CNTNAP2: variants seen among roughly 807,000 people sequenced by gnomAD.
The protein encoded by CNTNAP2 is contactin associated protein 2.
CNTNAP2 carries 98 observed loss-of-function variants against 155.2 expected under a neutral mutation model. That is an observed-to-expected ratio of 0.63 (90% CI 0.54 to 0.75). The LOEUF is 0.75. Ranked by LOEUF, CNTNAP2 falls within the 30% of genes least tolerant of loss-of-function variation. CNTNAP2 has a pLI of 0.00. For missense variants in CNTNAP2, 1,727 were observed against 1,688.1 expected, an observed-to-expected ratio of 1.02 and a Z score of -0.40; for synonymous variants, 651 against 631.2, an observed-to-expected ratio of 1.03 and a Z score of -0.47.
chr7:147,864,443 A>T (rs989355008), intron 13 of CNTNAP2, among the ~76,000 whole-genome samples: 2 of 151,456 alleles, frequency 1.3e-5, no homozygotes, highest in South Asian at 4.2e-4. Flanking sequence ...ACTTTAAAGT[A>T]GTTTTTTCCA....
At chr7:147,692,290 A>G (rs539232534) in intron 13 of CNTNAP2, among the ~76,000 whole-genome samples, 10 of 152,226 alleles carry the variant, frequency 6.6e-5, no homozygotes, top group African/African-American at 2.2e-4. Flanking sequence ...TCCACTGGCA[A>G]TTATGAATGA....
At chr7:146,326,783 T>G (rs1801104940) in intron 1 of CNTNAP2, among the ~76,000 whole-genome samples, 1 of 152,206 alleles carries the variant, frequency 6.6e-6, no homozygotes, top group South Asian at 2.1e-4. Context: ...TACTATCACC[T>G]TTGTGATAGA....
intron 11 of CNTNAP2, among the ~76,000 whole-genome samples, chr7:147,494,465 T>C (rs934697778): frequency 9.9e-5 from 3 of 30,334 alleles, no homozygotes; most frequent in African/African-American, 6.4e-4. Context: ...CTTTGAGTCT[T>C]GGCAAAAAAA....
intron 1 of CNTNAP2, among the ~76,000 whole-genome samples, chr7:146,283,663 A>T (rs949747539): frequency 2.6e-5 from 4 of 152,204 alleles, no homozygotes; most frequent in Non-Finnish European, 5.9e-5. Flanking sequence ...GGGAAGAAAA[A>T]CTTAAACCTA....
At chr7:146,366,987 T>C (rs1795164708) in intron 1 of CNTNAP2, among the ~76,000 whole-genome samples, 1 of 152,138 alleles carries the variant, frequency 6.6e-6, no homozygotes, top group African/African-American at 2.4e-5. Flanking sequence ...TGAAAGACCA[T>C]AGTTAATTTC....
At chr7:147,236,907 C>T (rs1028196138) in intron 8 of CNTNAP2, among the ~76,000 whole-genome samples, 10 of 152,102 alleles carry the variant, frequency 6.6e-5, no homozygotes, top group Non-Finnish European at 1.5e-5. Flanking sequence ...AAACCTTACC[C>T]TGTGATTGCC....
intron 4 of CNTNAP2, among the ~76,000 whole-genome samples, chr7:147,052,121 G>A (rs888656204): frequency 6.6e-6 from 1 of 152,040 alleles, no homozygotes; most frequent in African/African-American, 2.4e-5. Flanking sequence ...AGATTCAGTT[G>A]AAATGCAGTC....
chr7:146,648,822 A>C (rs187750767), intron 1 of CNTNAP2, among the ~76,000 whole-genome samples: 1 of 152,254 alleles, frequency 6.6e-6, no homozygotes, highest in Admixed American at 6.5e-5. Context: ...TGATAAAATT[A>C]TTATTAAAAT....
intron 4 of CNTNAP2, among the ~76,000 whole-genome samples, chr7:147,064,516 T>G (rs1799742847): frequency 6.6e-6 from 1 of 152,192 alleles, no homozygotes. Flanking sequence ...ACATTTTCCC[T>G]GTGCCTCACA....
At chr7:148,353,458 A>G (rs889050330) in intron 21 of CNTNAP2, among the ~76,000 whole-genome samples, 1 of 152,234 alleles carries the variant, frequency 6.6e-6, no homozygotes, top group African/African-American at 2.4e-5. Context: ...TTAAAAAAAC[A>G]AAGCAAGCTT....
intron 3 of CNTNAP2, among the ~76,000 whole-genome samples, chr7:146,887,375 C>G (rs1016658717): frequency 7.2e-5 from 11 of 151,912 alleles, no homozygotes; most frequent in Non-Finnish European, 1.5e-4. Context: ...ACAGGTTTCT[C>G]CATGTTGGCC....
chr7:147,312,365 C>T lies in CNTNAP2; in HGVS notation c.1498+12075C>T, dbSNP rs1343757761. On this transcript the variant is annotated intron_variant, in intron 9 of 23. Coordinates refer to ENST00000361727, the MANE Select transcript of CNTNAP2 (RefSeq NM_014141.6). ...CATGCTGGTGTGCTGCACCCATTAACTCGTCATTTAGCATTAGGTATATCT... is the reference window on the plus strand; with the variant it reads ...CATGCTGGTGTGCTGCACCCATTAATTCGTCATTTAGCATTAGGTATATCT... Among the ~76,000 whole-genome samples, 4 of 150,864 alleles carry T rather than the reference C, an allele frequency of 2.7e-5. No individual in the cohort carries two copies. In the Admixed American group the frequency reaches 2.7e-4, roughly 10 times the overall value.
chr7:148,072,433 G>T (rs1803398217), intron 15 of CNTNAP2, among the ~76,000 whole-genome samples: 1 of 152,078 alleles, frequency 6.6e-6, no homozygotes, highest in Non-Finnish European at 1.5e-5. Context: ...AAATGGGTAT[G>T]GTTGTGCTCC....
In CNTNAP2 at chr7:146,752,002, C is replaced by G. The variant is rs138683312; in HGVS notation, c.98-22269C>G. ...AATATTCCATGGTGTATATGTGCCA[C>G]CTTTTCTTTATGCAGTCTATCGTTG... On this transcript the variant is annotated intron_variant, in intron 1 of 23. Transcript: ENST00000361727. 8.1e-3 allele frequency among the ~76,000 whole-genome samples: 1,240 copies of G among 152,212 alleles called. 21 individuals carry two copies. Among genetic ancestry groups the G allele is most frequent in the African/African-American group, 0.028 (1,156 of 41,516 alleles).
At chr7:148,087,738 A>G (rs1447678140) in intron 15 of CNTNAP2, among the ~76,000 whole-genome samples, 1 of 152,158 alleles carries the variant, frequency 6.6e-6, no homozygotes, top group African/African-American at 2.4e-5. Context: ...CATAAGTAGT[A>G]AAGAGTAGTA....
At chr7:148,049,594 C>T (rs577237946) in intron 15 of CNTNAP2, among the ~76,000 whole-genome samples, 44 of 152,258 alleles carry the variant, frequency 2.9e-4, no homozygotes, top group African/African-American at 1.1e-3. Flanking sequence ...ACAGCAGTTC[C>T]ATAAGATTAT....
intron 1 of CNTNAP2, among the ~76,000 whole-genome samples, chr7:146,576,352 G>A (rs1798524403): frequency 6.6e-6 from 1 of 152,102 alleles, no homozygotes; most frequent in South Asian, 2.1e-4. Flanking sequence ...CACTTTTAGG[G>A]GATATGTGTT....
At chr7:147,995,407 T>C (rs1801784972) in intron 15 of CNTNAP2, among the ~76,000 whole-genome samples, 1 of 152,058 alleles carries the variant, frequency 6.6e-6, no homozygotes, top group Non-Finnish European at 1.5e-5. Flanking sequence ...CTCCCTTCCA[T>C]AGAAGTATTA....
chr7:147,944,237 A>G (rs191886439), intron 14 of CNTNAP2, among the ~76,000 whole-genome samples: 2 of 152,342 alleles, frequency 1.3e-5, no homozygotes, highest in Admixed American at 6.5e-5. Context: ...AAATATTAAT[A>G]TAAAAGTATT....
Sources: gnomAD v4.1 joint callset for allele counts (sites outside exome capture counted in the v4.1 genomes callset) on GRCh38, gnomAD v4.1.1 for gene constraint, MANE v1.5 for transcripts, NCBI Gene and HGNC (gene_info 2026-07-23, HGNC 2026-07-21) for gene names.